Variants in NHEJ1 observed in about 807,000 individuals in gnomAD.
NHEJ1 encodes the protein non-homologous end joining factor 1, also known as non-homologous end-joining factor 1.
A neutral mutation model predicts 39.4 loss-of-function variants in NHEJ1; 22 were observed. The ratio of observed to expected loss-of-function variants is 0.56; its 90% CI spans 0.40 to 0.80. NHEJ1 has a LOEUF of 0.80. Among genes scored for constraint, NHEJ1 ranks in the 30% least tolerant of loss-of-function variants. NHEJ1 has a pLI of 0.00. For synonymous variants in NHEJ1, 154 were observed against 135.6 expected (o/e 1.14, Z -0.94); for missense variants, 329 against 357.1 (o/e 0.92, Z 0.63).
chr2:219,133,237 A>G (rs904472417), intron 5 of NHEJ1, among the ~76,000 whole-genome samples: 1 of 152,274 alleles, frequency 6.6e-6, no homozygotes, highest in Non-Finnish European at 1.5e-5. Flanking sequence ...TGCAAAAGAA[A>G]TATCACCCGT....
intron 3 of NHEJ1, among the ~76,000 whole-genome samples, chr2:219,152,372 A>G (rs1370536912): frequency 6.6e-6 from 1 of 152,174 alleles, no homozygotes; most frequent in African/African-American, 2.4e-5. Context: ...GCTGGAGGCT[A>G]AAGCGGGAGA....
chr2:219,078,837 T>TA (rs1167478886), intron 5 of NHEJ1, among the ~76,000 whole-genome samples: 3 of 129,976 alleles, frequency 2.3e-5, no homozygotes, highest in Non-Finnish European at 3.6e-5. Context: ...TCTTGAGGGG[T>TA]AAAAAAAACT....
chr2:219,114,926 T>G (rs1198508553), intron 5 of NHEJ1, among the ~76,000 whole-genome samples: 1 of 152,180 alleles, frequency 6.6e-6, no homozygotes, highest in African/African-American at 2.4e-5. Flanking sequence ...CAGAGTCTTA[T>G]TCAAGCCAAG....
chr2:219,115,677 G>A (rs1165670953), intron 5 of NHEJ1, among the ~76,000 whole-genome samples: 2 of 152,174 alleles, frequency 1.3e-5, no homozygotes, highest in South Asian at 4.1e-4. Context: ...ACATGCACAA[G>A]TCTTCAGAGA....
chr2:219,093,405 C>G (rs978691836), intron 5 of NHEJ1, among the ~76,000 whole-genome samples: 1 of 152,120 alleles, frequency 6.6e-6, no homozygotes, highest in Admixed American at 6.5e-5. Flanking sequence ...ATATAAATGG[C>G]CAGAAGAAGA....
intron 3 of NHEJ1, among the ~76,000 whole-genome samples, chr2:219,149,095 G>C (rs974623674): frequency 6.6e-6 from 1 of 151,976 alleles, no homozygotes; most frequent in Non-Finnish European, 1.5e-5. Flanking sequence ...TGTTGGTCAG[G>C]CTGGTCTTGA....
intron 5 of NHEJ1, among the ~76,000 whole-genome samples, chr2:219,127,432 C>T (rs1317740776): frequency 6.6e-6 from 1 of 152,304 alleles, no homozygotes; most frequent in South Asian, 2.1e-4. Context: ...AATCAGCTGT[C>T]CTATTGACCT....
intron 5 of NHEJ1, among the ~76,000 whole-genome samples, chr2:219,144,286 T>C (rs1559201469): frequency 6.6e-6 from 1 of 152,150 alleles, no homozygotes; most frequent in African/African-American, 2.4e-5. Context: ...TTACTACCTG[T>C]AGGCACCACG....
At chr2:219,081,422 C>G (rs1014717547) in intron 5 of NHEJ1, among the ~76,000 whole-genome samples, 1 of 152,274 alleles carries the variant, frequency 6.6e-6, no homozygotes, top group East Asian at 1.9e-4. Context: ...GGCCACAATG[C>G]GGGTCACTGC....
intron 5 of NHEJ1, among the ~76,000 whole-genome samples, chr2:219,086,560 A>C (rs1338409802): frequency 6.6e-6 from 1 of 152,234 alleles, no homozygotes; most frequent in Admixed American, 6.5e-5. Flanking sequence ...GGAAAGCCTT[A>C]CTTCACCCCT....
intron 5 of NHEJ1, chr2:219,124,607 T>G (rs934413685): frequency 6.6e-6 from 1 of 151,708 alleles, no homozygotes; most frequent in Non-Finnish European, 1.5e-5. Context: ...TACAACACAC[T>G]CACCACAGCA....
chr2:219,102,386 T>C (rs1034169231), intron 5 of NHEJ1: 1 of 152,216 alleles, frequency 6.6e-6, no homozygotes, highest in Non-Finnish European at 1.5e-5. Flanking sequence ...TTTGGTTTTC[T>C]ATATTTTAGT....
At chr2:219,159,552 C>CATATATATGCATAT (rs1553549829) in intron 1 of NHEJ1, among the ~76,000 whole-genome samples, 3 of 66,384 alleles carry the variant, frequency 4.5e-5, no homozygotes, top group Non-Finnish European at 5.5e-5. Flanking sequence ...TATATATATG[C>CATATATATGCATAT]ATATATATAT....
intron 5 of NHEJ1, among the ~76,000 whole-genome samples, chr2:219,083,108 T>C (rs1422170042): frequency 2.0e-5 from 3 of 152,224 alleles, no homozygotes; most frequent in Non-Finnish European, 4.4e-5. Context: ...TCATCTACTG[T>C]GGTGTTTGGG....
At chr2:219,129,861 G>A (rs1176368240) in intron 5 of NHEJ1, among the ~76,000 whole-genome samples, 1 of 152,166 alleles carries the variant, frequency 6.6e-6, no homozygotes, top group Non-Finnish European at 1.5e-5. Context: ...CAGAAAGCAG[G>A]TCACAATTTT....
chr2:219,118,970 A>C (rs977048489), intron 5 of NHEJ1, among the ~76,000 whole-genome samples: 1 of 152,182 alleles, frequency 6.6e-6, no homozygotes, highest in Non-Finnish European at 1.5e-5. Flanking sequence ...GGGGGACTTG[A>C]ACCATCTGCT....
intron 5 of NHEJ1, among the ~76,000 whole-genome samples, chr2:219,118,066 G>A (rs1022787799): frequency 3.3e-5 from 5 of 152,074 alleles, no homozygotes; most frequent in Non-Finnish European, 5.9e-5. Context: ...TCCTGGCTAG[G>A]GAAAGAGCCA....
At chr2:219,155,343 T>C (rs1183319748) in intron 3 of NHEJ1, among the ~76,000 whole-genome samples, 1 of 152,028 alleles carries the variant, frequency 6.6e-6, no homozygotes, top group Non-Finnish European at 1.5e-5. Flanking sequence ...GGCAGGAGGA[T>C]TGCTTGAGGT....
chr2:219,146,679 C>G lies in NHEJ1; in HGVS notation c.588+1G>C. Reference sequence around the variant, plus strand: ...ACACAAGAAAATGACAAATACCTTACCTCTATCATAAATTGTTCCAAGAAG... The same window carrying G: ...ACACAAGAAAATGACAAATACCTTAGCTCTATCATAAATTGTTCCAAGAAG... On this transcript the variant is annotated splice_donor_variant, in intron 5 of 7. Coordinates refer to ENST00000356853, the MANE Select transcript of NHEJ1 (RefSeq NM_024782.3). LOFTEE classifies it high-confidence loss of function. 1 of 1,607,206 alleles carries G rather than the reference C, an allele frequency of 6.2e-7. No homozygotes were observed. Among genetic ancestry groups the G allele is most frequent in the African/African-American group, 1.3e-5 (1 of 74,930 alleles).
Sources: allele counts gnomAD v4.1 joint callset (sites outside exome capture counted in the v4.1 genomes callset), GRCh38; gene constraint gnomAD v4.1.1; transcripts MANE v1.5; gene names NCBI Gene and HGNC (gene_info 2026-07-23, HGNC 2026-07-21).